The following ROCK1 variants were observed in gnomAD, a reference collection of about 807,000 sequenced individuals.
ROCK1 encodes the protein Rho associated coiled-coil containing protein kinase 1.
In ROCK1, 36 loss-of-function variants were observed where a neutral mutation model predicts 196.8. The observed-to-expected ratio is 0.18, with a 90% CI of 0.14 to 0.24. The LOEUF (loss-of-function observed/expected upper bound fraction) is 0.24. Ranked by LOEUF, ROCK1 falls within the 10% of genes least tolerant of loss-of-function variation. The pLI, the probability that ROCK1 is intolerant of heterozygous loss-of-function variation, is 1.00. For synonymous variants in ROCK1, 443 were observed against 515.9 expected (o/e 0.86, Z 1.91); for missense variants, 920 against 1,562.0 (o/e 0.59, Z 6.93).
chr18:21,011,435 C>A (rs1409234646), intron 13 of ROCK1, among the ~76,000 whole-genome samples: 1 of 152,120 alleles, frequency 6.6e-6, no homozygotes, highest in Non-Finnish European at 1.5e-5. Flanking sequence ...GTATAAACAT[C>A]TTCCCTTTCT....
chr18:20,957,275 T>C (rs2035251666), intron 29 of ROCK1, among the ~76,000 whole-genome samples: 1 of 152,252 alleles, frequency 6.6e-6, no homozygotes, highest in African/African-American at 2.4e-5. Context: ...CAAAAATGGA[T>C]AAACAAATTC....
At chr18:20,956,111 T>C (rs1219241852) in intron 29 of ROCK1, among the ~76,000 whole-genome samples, 1 of 152,106 alleles carries the variant, frequency 6.6e-6, no homozygotes, top group African/African-American at 2.4e-5. Flanking sequence ...CATGATTGTA[T>C]GCAGTTGTCT....
chr18:20,980,785 A>G (rs1323176849), intron 21 of ROCK1, among the ~76,000 whole-genome samples: 1 of 151,730 alleles, frequency 6.6e-6, no homozygotes, highest in Non-Finnish European at 1.5e-5. Flanking sequence ...GCGTGGTGGC[A>G]TGCTACTGTA....
At chr18:20,963,158 A>G (rs1432720807) in intron 27 of ROCK1, among the ~76,000 whole-genome samples, 1 of 152,088 alleles carries the variant, frequency 6.6e-6, no homozygotes, top group Non-Finnish European at 1.5e-5. Flanking sequence ...ACTTGGCTCT[A>G]AATTTTATAC....
intron 21 of ROCK1, among the ~76,000 whole-genome samples, chr18:20,982,128 G>T (rs1398339330): frequency 6.6e-6 from 1 of 152,222 alleles, no homozygotes; most frequent in African/African-American, 2.4e-5. Context: ...CTGGATGACT[G>T]CTCTGTGGAA....
chr18:21,080,664 T>A (rs768352787), intron 1 of ROCK1, among the ~76,000 whole-genome samples: 2 of 151,962 alleles, frequency 1.3e-5, no homozygotes, highest in African/African-American at 4.8e-5. Flanking sequence ...AAATACTCCA[T>A]GCAAATAGTA....
chr18:20,992,772 A>C lies in ROCK1; in HGVS notation c.1992+59T>G, dbSNP rs191431673. The C allele has an allele frequency of 2.3e-3, 2,185 of 962,600 alleles. 8 individuals are homozygous for C. The highest frequency in any genetic ancestry group is 3.6e-3 in the South Asian group (242 of 67,680). The allele number at this position is 962,600 out of a possible 1,614,324, so 59.6% of individuals were successfully genotyped here. ...ATGCTATTTTATAAAACCACCTAGT[A>C]GTCTATGATAATCAGTAATTACTAT... is the stretch of plus-strand genomic sequence containing the variant. On this transcript the variant is annotated intron_variant, in intron 17 of 32. Coordinates refer to ENST00000399799, the MANE Select transcript of ROCK1 (RefSeq NM_005406.3).
At chr18:20,974,996 G>A (rs912677308) in intron 22 of ROCK1, among the ~76,000 whole-genome samples, 2 of 152,182 alleles carry the variant, frequency 1.3e-5, no homozygotes, top group Non-Finnish European at 2.9e-5. Flanking sequence ...AACACTTGCT[G>A]AGCATCACAA....
intron 25 of ROCK1, among the ~76,000 whole-genome samples, 186 bp from the exon 26 acceptor site, chr18:20,968,126 A>G (rs1037054180): frequency 2.0e-5 from 3 of 152,150 alleles, no homozygotes; most frequent in Admixed American, 6.5e-5. Context: ...CACTACTTAA[A>G]TGTAAGAACC....
intron 1 of ROCK1, among the ~76,000 whole-genome samples, chr18:21,102,119 TAC>T (rs904492749): frequency 2.0e-5 from 3 of 152,216 alleles, no homozygotes; most frequent in African/African-American, 4.8e-5. Context: ...CCACTGTAAC[TAC>T]AGTTTTCAAA....
chr18:21,088,202 G>C (rs944101425), intron 1 of ROCK1, among the ~76,000 whole-genome samples: 47 of 152,334 alleles, frequency 3.1e-4, no homozygotes, highest in African/African-American at 1.0e-3. Context: ...GATTAGAAAA[G>C]AGTAATGATG....
intron 1 of ROCK1, among the ~76,000 whole-genome samples, chr18:21,094,753 A>T (rs2036598803): frequency 1.3e-5 from 2 of 151,514 alleles, no homozygotes; most frequent in Admixed American, 6.6e-5. Flanking sequence ...TGTCTCAAAA[A>T]AAAAAAAAGA....
chr18:21,068,156 C>T (rs1247581992), intron 2 of ROCK1, among the ~76,000 whole-genome samples: 2 of 152,144 alleles, frequency 1.3e-5, no homozygotes, highest in African/African-American at 2.4e-5. Flanking sequence ...AGGAAAGTGG[C>T]AAATATGTTC....
chr18:20,965,444 T>TAC (rs1568369286), intron 27 of ROCK1, among the ~76,000 whole-genome samples: 6 of 145,204 alleles, frequency 4.1e-5, no homozygotes, highest in African/African-American at 1.6e-4. Flanking sequence ...TACATACATA[T>TAC]ATACATAGAG....
At chr18:21,092,899 C>T (rs1402621717) in intron 1 of ROCK1, among the ~76,000 whole-genome samples, 2 of 152,076 alleles carry the variant, frequency 1.3e-5, no homozygotes, top group Non-Finnish European at 2.9e-5. Flanking sequence ...AGTTGGTGGT[C>T]TTAAGTTGAG....
chr18:20,995,296 T>C (rs990662882), intron 16 of ROCK1, among the ~76,000 whole-genome samples: 1 of 152,200 alleles, frequency 6.6e-6, no homozygotes, highest in African/African-American at 2.4e-5. Flanking sequence ...ACAATTATTA[T>C]GTGTCAATTA....
chr18:21,111,031 A>C lies in ROCK1; in HGVS notation c.-121T>G. On this transcript the variant is annotated 5_prime_UTR_variant, in exon 1 of 33. Coordinates refer to ENST00000399799, the MANE Select transcript of ROCK1 (RefSeq NM_005406.3). The surrounding 1 kb of genome is among the most constrained non-coding windows in gnomAD (Gnocchi z 4.2). ...GAGGAGCCGGAACCTCAGGGTCACCAGGTGCGCCCGGTTCCCCCGTCTTCC... is the reference window on the plus strand; with the variant it reads ...GAGGAGCCGGAACCTCAGGGTCACCCGGTGCGCCCGGTTCCCCCGTCTTCC... The C allele has an allele frequency of 1.3e-6, 1 of 745,298 alleles. No homozygotes were observed. The highest frequency in any genetic ancestry group is 2.3e-6 in the Non-Finnish European group (1 of 438,990). 46.2% of individuals were successfully genotyped at this position (745,298 alleles called of 1,614,324 possible).
At chr18:21,109,380 C>G (rs980620994) in intron 1 of ROCK1, among the ~76,000 whole-genome samples, 3 of 152,138 alleles carry the variant, frequency 2.0e-5, no homozygotes, top group African/African-American at 7.2e-5. Flanking sequence ...TATAACACCA[C>G]TCATGTAATA....
intron 18 of ROCK1, among the ~76,000 whole-genome samples, chr18:20,988,556 C>T (rs1359691429): frequency 1.3e-5 from 2 of 152,160 alleles, no homozygotes; most frequent in African/African-American, 4.8e-5. Flanking sequence ...ATCCCAGAAG[C>T]TTAAAATGTG....
Sources: allele counts gnomAD v4.1 joint callset (sites outside exome capture counted in the v4.1 genomes callset), GRCh38; gene constraint gnomAD v4.1.1; non-coding constraint Gnocchi (gnomAD v3.1); transcripts MANE v1.5; gene names NCBI Gene and HGNC (gene_info 2026-07-23, HGNC 2026-07-21).